The following MEGF9 variants were observed in gnomAD, a reference collection of about 807,000 sequenced individuals.
MEGF9 encodes multiple EGF like domains 9, also known as multiple epidermal growth factor-like domains protein 9.
A neutral mutation model predicts 46.8 loss-of-function variants in MEGF9; 6 were observed. The observed-to-expected ratio is 0.13, with a 90% CI of 0.07 to 0.25. The LOEUF (loss-of-function observed/expected upper bound fraction) is 0.25. MEGF9 is among the 10% of genes least tolerant of loss of function. MEGF9 has a pLI of 1.00. For missense variants in MEGF9, 683 were observed against 792.4 expected, an observed-to-expected ratio of 0.86 and a Z score of 1.66; for synonymous variants, 302 against 330.7, an observed-to-expected ratio of 0.91 and a Z score of 0.94.
At chr9:120,634,474 T>TTTTTTTTTTTTTTTA (rs1428323579) in intron 2 of MEGF9, among the ~76,000 whole-genome samples, 2 of 123,118 alleles carry the variant, frequency 1.6e-5, no homozygotes, top group East Asian at 4.3e-4. Context: ...TTTTTTTTTT[T>TTTTTTTTTTTTTTTA]GAGACGGAGT....
rs1344730419 is a variant in MEGF9, at chr9:120,668,265, A to G, written c.602-8690T>C. ...CATTAATACTCAATTTACATTTCACATTTATGTTATGCCAAGGTATTGCCA... is the reference window on the plus strand; with the variant it reads ...CATTAATACTCAATTTACATTTCACGTTTATGTTATGCCAAGGTATTGCCA... On this transcript the variant is annotated intron_variant, in intron 1 of 5. Coordinates refer to ENST00000373930, the MANE Select transcript of MEGF9 (RefSeq NM_001080497.3). Among the ~76,000 whole-genome samples, 3 of 152,304 alleles carry G rather than the reference A, an allele frequency of 2.0e-5. No homozygotes were observed. The East Asian group carries it at 5.8e-4, about 29-fold the overall frequency.
Position 120,686,455 on chromosome 9 carries a change from TG to T in MEGF9, c.602-26881del, listed in dbSNP as rs2043822663. 2.6e-5 allele frequency among the ~76,000 whole-genome samples: 4 copies of T among 152,336 alleles called. No individual in the cohort carries two copies. In the South Asian group the frequency reaches 8.3e-4, roughly 32 times the overall value. On this transcript the variant is annotated intron_variant, in intron 1 of 5. Transcript: ENST00000373930. ...GTTCTGGAAATCTGTTTCACAACAA[TG>T]TGAATATACTTAACAAACTGTACAC...
chr9:120,649,367 T>C (rs909211083), intron 2 of MEGF9, among the ~76,000 whole-genome samples: 1 of 152,216 alleles, frequency 6.6e-6, no homozygotes, highest in Non-Finnish European at 1.5e-5. Context: ...GGAGTTTGCA[T>C]GTTCTCCCCA....
At chr9:120,699,724 TAAAA>T (rs60740438) in intron 1 of MEGF9, among the ~76,000 whole-genome samples, 1,149 of 112,390 alleles carry the variant, frequency 0.01, 4 homozygotes, top group Middle Eastern at 0.019. Flanking sequence ...CCGTGTTTCT[TAAAA>T]AAAAAAAAAA....
intron 2 of MEGF9, among the ~76,000 whole-genome samples, chr9:120,652,478 TAAAAAAAAA>T (rs57268783): frequency 1.2e-5 from 1 of 85,598 alleles, no homozygotes; most frequent in African/African-American, 4.5e-5. Flanking sequence ...GATCTTGTCT[TAAAAAAAAA>T]AAAAAAAAAA....
At position 120,665,774 on chromosome 9, in the gene MEGF9, G is replaced by C; in HGVS notation, c.602-6199C>G. Among the ~76,000 whole-genome samples, 2 of 152,134 alleles carry C rather than the reference G, an allele frequency of 1.3e-5. 1 individual carries two copies. ...CCATTTTGAGTTAATTTTTTTAAAA[G>C]ATGAAAGATAGGAAGTCTAGTTTTA... On this transcript the variant is annotated intron_variant, in intron 1 of 5. Coordinates refer to ENST00000373930, the MANE Select transcript of MEGF9 (RefSeq NM_001080497.3).
At chr9:120,617,250 G>A (rs1418127400) in intron 3 of MEGF9, among the ~76,000 whole-genome samples, 1 of 152,060 alleles carries the variant, frequency 6.6e-6, no homozygotes, top group East Asian at 1.9e-4. Flanking sequence ...AGGAATGTAG[G>A]GCTCCTTTCC....
chr9:120,691,283 C>T, intron 1 of MEGF9: 1 of 251,786 alleles, frequency 4.0e-6, no homozygotes, highest in Non-Finnish European at 8.5e-6. Flanking sequence ...TGAGGCAGGA[C>T]TGGCCATGGA....
intron 1 of MEGF9, among the ~76,000 whole-genome samples, chr9:120,672,956 G>C (rs1381461468): frequency 2.0e-5 from 3 of 152,168 alleles, no homozygotes; most frequent in African/African-American, 7.2e-5. Context: ...CCAGGAGGCA[G>C]AGGTTGCGGT....
chr9:120,673,876 G>A (rs1020051129), intron 1 of MEGF9, among the ~76,000 whole-genome samples: 3 of 151,632 alleles, frequency 2.0e-5, no homozygotes, highest in Admixed American at 1.3e-4. Context: ...AGGCTGAGAC[G>A]GGAGAATCAC....
At chr9:120,616,446 G>A (rs2043473023) in intron 3 of MEGF9, among the ~76,000 whole-genome samples, 2 of 151,994 alleles carry the variant, frequency 1.3e-5, no homozygotes, top group African/African-American at 4.8e-5. Flanking sequence ...CTGGGAGGCC[G>A]AGGCGGTCGG....
chr9:120,625,836 A>C (rs1385981338), intron 2 of MEGF9, among the ~76,000 whole-genome samples: 36 of 106,338 alleles, frequency 3.4e-4, no homozygotes, highest in African/African-American at 1.2e-3. Flanking sequence ...TGTCTCACAA[A>C]AAAAAAAAAA....
In MEGF9 at chr9:120,601,110, GA is replaced by G. The variant is rs1257543555; in HGVS notation, c.*4079del. ...ACATAAATACAAGTTTAATGTTTCA[GA>G]AACATTCCCTAATTGCTCGGCCTAT... On this transcript the variant is annotated 3_prime_UTR_variant, in exon 6 of 6. Coordinates refer to ENST00000373930, the MANE Select transcript of MEGF9 (RefSeq NM_001080497.3). The G allele has an allele frequency of 3.9e-5, 6 of 152,730 alleles. No individual in the cohort carries two copies. The highest frequency in any genetic ancestry group is 2.1e-4 in the South Asian group (1 of 4,832). The allele number at this position is 152,730 out of a possible 1,614,324, so 9.5% of individuals were successfully genotyped here. A position where few individuals can be genotyped will look rare whatever the true frequency, so the allele number is the denominator to read the frequency against.
intron 2 of MEGF9, among the ~76,000 whole-genome samples, chr9:120,632,843 G>C (rs2043556754): frequency 6.6e-6 from 1 of 152,216 alleles, no homozygotes; most frequent in Non-Finnish European, 1.5e-5. Context: ...CATCCACTGA[G>C]ATGATCATGT....
At chr9:120,634,185 T>C (rs1173074979) in intron 2 of MEGF9, among the ~76,000 whole-genome samples, 1 of 152,172 alleles carries the variant, frequency 6.6e-6, no homozygotes, top group Non-Finnish European at 1.5e-5. Flanking sequence ...AGACGTTAGA[T>C]ATTGGGTGTT....
In MEGF9 at chr9:120,628,465, G is replaced by GTCGT. The variant is rs1306331353; in HGVS notation, c.804-5711_804-5710insACGA. 2.3e-3 allele frequency among the ~76,000 whole-genome samples: 122 copies of GTCGT among 52,780 alleles called. 8 individuals are homozygous for GTCGT. The highest frequency in any genetic ancestry group is 3.0e-3 in the Non-Finnish European group (75 of 24,882). 34.6% of individuals were successfully genotyped at this position (52,780 alleles called of 152,430 possible). On this transcript the variant is annotated intron_variant, in intron 2 of 5. Transcript: ENST00000373930. Reference sequence around the variant, plus strand: ...CCATATTCAGACAGAAATTCTTGTCGTTGTTTTTTTTTTTTTTTTTTTTTT... The same window carrying GTCGT: ...CCATATTCAGACAGAAATTCTTGTCGTCGTTTGTTTTTTTTTTTTTTTTTTTTTT...
At chr9:120,606,141 A>C (rs2043419558) in intron 5 of MEGF9, among the ~76,000 whole-genome samples, 1 of 150,672 alleles carries the variant, frequency 6.6e-6, no homozygotes, top group Non-Finnish European at 1.5e-5. Context: ...ACTGCACTCC[A>C]GCCTCGGTGA....
intron 1 of MEGF9, among the ~76,000 whole-genome samples, chr9:120,687,024 C>T (rs142690665): frequency 6.6e-6 from 1 of 151,630 alleles, no homozygotes; most frequent in African/African-American, 2.4e-5. Flanking sequence ...AGCCAACTAC[C>T]CACTGAAGTG....
chr9:120,612,329 C>A, intron 4 of MEGF9, 67 bp downstream of exon 4: 2 of 1,458,438 alleles, frequency 1.4e-6, no homozygotes, highest in Non-Finnish European at 1.8e-6. Flanking sequence ...TTCATCAATG[C>A]AACTTATACC....
Sources: allele counts gnomAD v4.1 joint callset (sites outside exome capture counted in the v4.1 genomes callset), GRCh38; gene constraint gnomAD v4.1.1; transcripts MANE v1.5; gene names NCBI Gene and HGNC (gene_info 2026-07-23, HGNC 2026-07-21).